MX2: variants seen among roughly 807,000 people sequenced by gnomAD.
MX2 encodes interferon-induced GTP-binding protein Mx2.
MX2 carries 51 observed loss-of-function variants against 74.0 expected under a neutral mutation model. The observed-to-expected ratio is 0.69, with a 90% confidence interval of 0.55 to 0.87. The LOEUF (loss-of-function observed/expected upper bound fraction) is 0.87, where lower values mean the gene tolerates loss of function less well. Ranked by LOEUF, MX2 falls within the 40% of genes least tolerant of loss-of-function variation. MX2 has a pLI of 0.00. For missense variants in MX2, 832 were observed against 908.7 expected, an observed-to-expected ratio of 0.92 and a Z score of 1.09; for synonymous variants, 369 against 339.3, an observed-to-expected ratio of 1.09 and a Z score of -0.96.
rs56994553 is a variant in MX2 at position 41,403,725 on chromosome 21, T to C, written c.1650+382T>C. ...TATGTTTGACTCAAAGATGTTGCCG[T>C]AGCTCTGTGGGTTTCTACTTAGCAA... On this transcript the variant is annotated intron_variant, in intron 12 of 13. Coordinates refer to ENST00000330714, the MANE Select transcript of MX2 (RefSeq NM_002463.2). The C allele has an allele frequency of 6.1e-3, 2,890 of 470,658 alleles. 96 individuals are homozygous for C. The highest frequency in any genetic ancestry group is 0.05 in the African/African-American group (2,542 of 50,370). The allele number at this position is 470,658 out of a possible 1,614,324, so 29.2% of individuals were successfully genotyped here. A position where few individuals can be genotyped will look rare whatever the true frequency, so the allele number is the denominator to read the frequency against.
chr21:41,398,796 A>T, intron 8 of MX2, 101 bp from the exon 9 acceptor site: 1 of 1,491,446 alleles, frequency 6.7e-7, no homozygotes, highest in Non-Finnish European at 9.0e-7. Flanking sequence ...AAAATTCCAG[A>T]TCTTCCTGGA....
intron 6 of MX2, among the ~76,000 whole-genome samples, chr21:41,395,114 C>A (rs1422674878): frequency 6.6e-6 from 1 of 151,984 alleles, no homozygotes; most frequent in Non-Finnish European, 1.5e-5. Flanking sequence ...TCAAAGTTTT[C>A]AATCCAGTGC....
chr21:41,407,543 C>A (rs1166798808), intron 13 of MX2, among the ~76,000 whole-genome samples: 1 of 152,206 alleles, frequency 6.6e-6, no homozygotes, highest in East Asian at 1.9e-4. Context: ...AAGACACCCA[C>A]CTCCCGAAGC....
At chr21:41,397,109 T>C (rs567868684) in intron 7 of MX2, among the ~76,000 whole-genome samples, 45 of 152,328 alleles carry the variant, frequency 3.0e-4, no homozygotes, top group African/African-American at 9.1e-4. Context: ...CCTAAATTCC[T>C]GCTATTGGCA....
intron 5 of MX2, chr21:41,389,635 C>T (rs2089629620): frequency 1.3e-5 from 2 of 152,148 alleles, no homozygotes; most frequent in Admixed American, 1.3e-4. Context: ...CTTCATTGGG[C>T]CTGTTTGTAT....
rs924266935 is a variant in MX2, at chr21:41,382,570, C to A, written c.732+6C>A. On this transcript the variant is annotated splice_donor_region_variant and intron_variant, in intron 5 of 13. Transcript: ENST00000330714. ...CCCGAGACATCGGACTGCAGGTGAG[C>A]CCTTCTGGAATTTGGGATTGGGCTC... 3 of 1,613,876 alleles carry A rather than the reference C, an allele frequency of 1.9e-6. No homozygotes were observed. The African/African-American group carries it at 4.0e-5, about 22-fold the overall frequency.
chr21:41,398,154 A>G (rs1418250810), intron 8 of MX2, among the ~76,000 whole-genome samples: 1 of 152,204 alleles, frequency 6.6e-6, no homozygotes. Flanking sequence ...TACTAAAAAT[A>G]CAAAATTAGC....
chr21:41,366,762 G>A lies in MX2; in HGVS notation c.-72+4707G>A, dbSNP rs2089268878. On this transcript the variant is annotated intron_variant, in intron 1 of 13. Transcript: ENST00000330714. This position sits in a 1 kb window ranked among gnomAD's most constrained non-coding sequence, Gnocchi z 4.5. ...TTTTCCTCTATCTTATCAGGAACCA[G>A]TTCTAGGTTCCTAACCTGGTCTGAC... 1 of 152,236 alleles carries A rather than the reference G, an allele frequency of 6.6e-6. No individual in the cohort carries two copies. The highest frequency in any genetic ancestry group is 2.4e-5 in the African/African-American group (1 of 41,400). 9.4% of individuals were successfully genotyped at this position (152,236 alleles called of 1,614,324 possible).
At chr21:41,367,890 C>T (rs1231108449) in intron 1 of MX2, among the ~76,000 whole-genome samples, 2 of 152,226 alleles carry the variant, frequency 1.3e-5, no homozygotes, top group Admixed American at 1.3e-4. Context: ...ATTCTGACCT[C>T]ACCCTGTTCC....
Position 41,377,675 on chromosome 21 carries a change from T to C in MX2, c.250-114T>C, listed in dbSNP as rs73370112. ...GCACCCCTCCATCCACCTTCTCACC[T>C]CCTGTCTGCAACCCAACCTAACATC... On this transcript the variant is annotated intron_variant, in intron 2 of 13. Coordinates refer to ENST00000330714, the MANE Select transcript of MX2 (RefSeq NM_002463.2). 7,744 of 1,140,830 alleles carry C rather than the reference T, an allele frequency of 6.8e-3. 359 individuals carry two copies. In the African/African-American group the frequency reaches 0.1, roughly 15 times the overall value. 70.7% of individuals were successfully genotyped at this position (1,140,830 alleles called of 1,614,324 possible).
Position 41,399,529 on chromosome 21 carries a change from A to G in MX2, c.1414+192A>G, listed in dbSNP as rs539704295. 618 of 541,708 alleles carry G rather than the reference A, an allele frequency of 1.1e-3. 2 individuals carry two copies. The highest frequency in any genetic ancestry group is 1.4e-3 in the Non-Finnish European group (431 of 304,152). The allele number at this position is 541,708 out of a possible 1,614,324, so 33.6% of individuals were successfully genotyped here. The stretch of plus-strand genomic sequence containing the variant: ...GGCATCGACCTCAGCAACTCAACAC[A>G]GGGCAATTCCACTGCCTCTGATGTC... On this transcript the variant is annotated intron_variant, in intron 10 of 13. Transcript: ENST00000330714.
chr21:41,386,240 A>AC lies in MX2; in HGVS notation c.732+3676_732+3677insC, dbSNP rs1422372782. Among the ~76,000 whole-genome samples, 11 of 150,766 alleles carry AC rather than the reference A, an allele frequency of 7.3e-5. 1 individual carries two copies. In the East Asian group the frequency reaches 1.2e-3, roughly 16 times the overall value. On this transcript the variant is annotated intron_variant, in intron 5 of 13. Transcript: ENST00000330714. ...ATCTCAAAAAAAAAAAAAAAAAAAA[A>AC]AAAAAAAAACAAATCTGCAAAGCAC...
intron 1 of MX2, among the ~76,000 whole-genome samples, chr21:41,376,087 T>A (rs1479936431): frequency 2.0e-5 from 3 of 152,102 alleles, no homozygotes; most frequent in African/African-American, 7.2e-5. Flanking sequence ...TCTCCCACAC[T>A]CCCCTGGTGC....
rs1486047880 is a variant in MX2 at position 41,368,672 on chromosome 21, AAT to A, written c.-72+6620_-72+6621del. ...GAGGGTGAGGGTGGCGACAGTTTTA[AAT>A]ATGTTTTAAAAGGAACATGAAATGA... On this transcript the variant is annotated intron_variant, in intron 1 of 13. Transcript: ENST00000330714. This position sits in a 1 kb window ranked among gnomAD's most constrained non-coding sequence, Gnocchi z 4.6. Among the ~76,000 whole-genome samples, 2 of 152,198 alleles carry A rather than the reference AAT, an allele frequency of 1.3e-5. No individual in the cohort carries two copies. The highest frequency in any genetic ancestry group is 2.9e-5 in the Non-Finnish European group (2 of 68,034).
chr21:41,392,862 TG>T (rs1169704477), intron 6 of MX2, among the ~76,000 whole-genome samples: 1 of 152,060 alleles, frequency 6.6e-6, no homozygotes, highest in African/African-American at 2.4e-5. Context: ...CCCAGCACTT[TG>T]GGGGGCCAAG....
rs2089408181 is a variant in MX2 at position 41,376,756 on chromosome 21, G to A, written c.-71-80G>A. ...TAGGGGGTAGGTTGTAGGGTGGGGT[G>A]AGGAGGGGTTGGCAAAAGTGCCAAC... On this transcript the variant is annotated intron_variant, in intron 1 of 13. Coordinates refer to ENST00000330714, the MANE Select transcript of MX2 (RefSeq NM_002463.2). 3 of 1,077,042 alleles carry A rather than the reference G, an allele frequency of 2.8e-6. No individual in the cohort carries two copies. In the African/African-American group the frequency reaches 4.7e-5, roughly 17 times the overall value. The allele number at this position is 1,077,042 out of a possible 1,614,324, so 66.7% of individuals were successfully genotyped here. A position where few individuals can be genotyped will look rare whatever the true frequency, so the allele number is the denominator to read the frequency against.
At chr21:41,370,512 A>G (rs530981381) in intron 1 of MX2, 10 of 152,388 alleles carry the variant, frequency 6.6e-5, no homozygotes, top group African/African-American at 1.7e-4. Context: ...TTCCGTGGCA[A>G]CTAAACAGTC....
chr21:41,406,981 C>G lies in MX2; in HGVS notation c.1888C>G (p.Leu630Val). ...VSSFTEIGIH[L>V]NAYFLETSKR... is the part of the protein sequence containing the mutation. ...CTCCTTTACTGAAATAGGCATCCAC[C>G]TGAATGCCTACTTCTTGGTGAGTTC... Residue 630 changes from leucine to valine, a missense_variant, in exon 13 of 14, where the codon CTG becomes GTG. Leu to Val is a conservative substitution (Grantham distance 32, BLOSUM62 1). Coordinates refer to ENST00000330714, the MANE Select transcript of MX2 (RefSeq NM_002463.2). 1 of 1,612,296 alleles carries G rather than the reference C, an allele frequency of 6.2e-7. No homozygotes were observed.
chr21:41,403,802 G>C, intron 12 of MX2: 1 of 374,546 alleles, frequency 2.7e-6, no homozygotes, highest in South Asian at 2.0e-5. Flanking sequence ...TGTGGCACTT[G>C]GGCTGTAGAT....
Sources: gnomAD v4.1 joint callset for allele counts (sites outside exome capture counted in the v4.1 genomes callset) on GRCh38, gnomAD v4.1.1 for gene constraint, Gnocchi (gnomAD v3.1) non-coding constraint, MANE v1.5 for transcripts, NCBI Gene and HGNC (gene_info 2026-07-23, HGNC 2026-07-21) for gene names.